The following MYO3B variants were observed in gnomAD, a reference collection of about 807,000 sequenced individuals.
The protein encoded by MYO3B is myosin-IIIb.
MYO3B carries 156 observed loss-of-function variants against 174.6 expected under a neutral mutation model. The ratio of observed to expected loss-of-function variants is 0.89; its 90% CI spans 0.78 to 1.02. The LOEUF (loss-of-function observed/expected upper bound fraction) is 1.02, where lower values mean the gene tolerates loss of function less well. Ranked by LOEUF, MYO3B falls within the 50% of genes least tolerant of loss-of-function variation. MYO3B has a pLI of 0.00. For missense variants in MYO3B, 1,632 were observed against 1,639.4 expected (o/e 1.00, Z 0.08); for synonymous variants, 563 against 569.1 (o/e 0.99, Z 0.15).
chr2:170,544,785 G>C (rs11892133), intron 32 of MYO3B, among the ~76,000 whole-genome samples: 96,515 of 152,032 alleles, frequency 0.63, 32,298 homozygotes, highest in Non-Finnish European at 0.75. Flanking sequence ...AGAGACAAGA[G>C]GATGGGTCCA....
intron 10 of MYO3B, 191 bp downstream of exon 10, chr2:170,382,303 C>T (rs2094341823): frequency 2.3e-6 from 1 of 444,394 alleles, no homozygotes; most frequent in African/African-American, 1.9e-5. Flanking sequence ...TTAGATAGCC[C>T]CTAGAATGAT....
At chr2:170,495,143 T>C (rs1686781152) in intron 25 of MYO3B, among the ~76,000 whole-genome samples, 1 of 152,264 alleles carries the variant, frequency 6.6e-6, no homozygotes, top group Non-Finnish European at 1.5e-5. Context: ...ATTATTTTGC[T>C]GTTGCATATC....
chr2:170,627,587 C>T (rs1559174560), intron 32 of MYO3B, among the ~76,000 whole-genome samples: 1 of 152,186 alleles, frequency 6.6e-6, no homozygotes, highest in African/African-American at 2.4e-5. Flanking sequence ...TGTTCTGTTG[C>T]TGGTGAGGAG....
chr2:170,218,820 GAAACAA>G (rs557445166), intron 6 of MYO3B, among the ~76,000 whole-genome samples: 143 of 152,204 alleles, frequency 9.4e-4, no homozygotes, highest in Non-Finnish European at 1.7e-3. Flanking sequence ...AATTATCACT[GAAACAA>G]AACCAAAAAC....
chr2:170,423,779 C>T (rs757736053), intron 22 of MYO3B, among the ~76,000 whole-genome samples: 3 of 152,046 alleles, frequency 2.0e-5, no homozygotes, highest in Non-Finnish European at 2.9e-5. Flanking sequence ...CGGGGTTTCA[C>T]CATGTTGGCG....
chr2:170,324,597 C>T (rs2093851651), intron 7 of MYO3B, among the ~76,000 whole-genome samples: 1 of 152,168 alleles, frequency 6.6e-6, no homozygotes, highest in East Asian at 1.9e-4. Context: ...TTTTAAAGAG[C>T]GTTGTAACAT....
At chr2:170,259,487 G>T (rs913097812) in intron 7 of MYO3B, among the ~76,000 whole-genome samples, 1 of 152,138 alleles carries the variant, frequency 6.6e-6, no homozygotes, top group Non-Finnish European at 1.5e-5. Context: ...AATCGTGCTT[G>T]GATAACTGGC....
intron 23 of MYO3B, among the ~76,000 whole-genome samples, chr2:170,450,053 T>C (rs1683500928): frequency 6.6e-6 from 1 of 152,198 alleles, no homozygotes; most frequent in Non-Finnish European, 1.5e-5. Context: ...AAGCTACAAC[T>C]GACTAGGAAT....
intron 30 of MYO3B, among the ~76,000 whole-genome samples, chr2:170,525,111 T>C (rs1299513967): frequency 6.6e-6 from 1 of 152,004 alleles, no homozygotes; most frequent in Non-Finnish European, 1.5e-5. Context: ...TGTCACCCTG[T>C]GATTGATGAA....
chr2:170,293,115 C>A (rs984095160), intron 7 of MYO3B, among the ~76,000 whole-genome samples: 9 of 152,144 alleles, frequency 5.9e-5, no homozygotes, highest in African/African-American at 9.7e-5. Context: ...TCTGTGGCCC[C>A]AGGATGCATC....
chr2:170,273,561 C>T (rs925921), intron 7 of MYO3B, among the ~76,000 whole-genome samples: 132,021 of 152,130 alleles, frequency 0.87, 58,031 homozygotes, highest in East Asian at 0.94. Flanking sequence ...AGTCTTTCAT[C>T]GTTCTTTATG....
intron 32 of MYO3B, among the ~76,000 whole-genome samples, chr2:170,600,253 A>G (rs1694427820): frequency 6.6e-6 from 1 of 152,180 alleles, no homozygotes; most frequent in African/African-American, 2.4e-5. Context: ...AAAATTACAT[A>G]ACAAAACAAC....
chr2:170,234,251 G>GCATGAAAC (rs2093047438), intron 6 of MYO3B, among the ~76,000 whole-genome samples: 1 of 149,768 alleles, frequency 6.7e-6, no homozygotes, highest in African/African-American at 2.5e-5. Context: ...TGCTATAACA[G>GCATGAAAC]ATTATCTGAG....
intron 32 of MYO3B, among the ~76,000 whole-genome samples, chr2:170,646,258 C>T (rs1350204787): frequency 4.1e-5 from 6 of 145,854 alleles, no homozygotes; most frequent in South Asian, 2.2e-4. Context: ...GCAAGAAGAG[C>T]GAAACTCTGT....
Position 170,260,183 on chromosome 2 carries a change from C to T in MYO3B, c.749+24047C>T, listed in dbSNP as rs186092792. Reference sequence around the variant, plus strand: ...ATTTCTCAAAGAACTAAAAGAAGAACGACCATTCAACCCAGCAATCCCATT... The same window carrying T: ...ATTTCTCAAAGAACTAAAAGAAGAATGACCATTCAACCCAGCAATCCCATT... On this transcript the variant is annotated intron_variant, in intron 7 of 34. Coordinates refer to ENST00000408978, the MANE Select transcript of MYO3B (RefSeq NM_138995.5). Among the ~76,000 whole-genome samples the T allele has an allele frequency of 2.6e-4, 39 of 152,258 alleles. No homozygotes were observed. In the East Asian group the frequency reaches 4.1e-3, roughly 16 times the overall value.
chr2:170,475,716 T>A (rs1413236045), intron 25 of MYO3B, among the ~76,000 whole-genome samples: 6 of 152,222 alleles, frequency 3.9e-5, no homozygotes, highest in Non-Finnish European at 5.9e-5. Context: ...AATATCAAGA[T>A]GATCATGTCA....
At chr2:170,369,504 A>T (rs1392362395) in intron 9 of MYO3B, 127 bp downstream of exon 9, 1 of 1,094,606 alleles carries the variant, frequency 9.1e-7, no homozygotes, top group Non-Finnish European at 1.3e-6. Context: ...TTTTATTTAC[A>T]TGACATTAAG....
chr2:170,480,029 A>ATGTG (rs57251934), intron 25 of MYO3B, among the ~76,000 whole-genome samples: 7 of 113,754 alleles, frequency 6.2e-5, no homozygotes, highest in Admixed American at 2.1e-4. Context: ...ACCTATATAT[A>ATGTG]TGTGTGTGTG....
chr2:170,531,376 A>G (rs1689343610), intron 30 of MYO3B, among the ~76,000 whole-genome samples: 1 of 152,182 alleles, frequency 6.6e-6, no homozygotes, highest in Non-Finnish European at 1.5e-5. Context: ...GTGGTTGACA[A>G]CAAGGGCCCT....
Sources: allele counts gnomAD v4.1 joint callset (sites outside exome capture counted in the v4.1 genomes callset), GRCh38; gene constraint gnomAD v4.1.1; transcripts MANE v1.5; gene names NCBI Gene and HGNC (gene_info 2026-07-23, HGNC 2026-07-21).